MVB12B: variants seen among roughly 807,000 people sequenced by gnomAD.
MVB12B encodes the protein multivesicular body subunit 12B, also known as ESCRT-I complex subunit MVB12B.
A neutral mutation model predicts 41.6 loss-of-function variants in MVB12B; 16 were observed. That is an observed-to-expected ratio of 0.38 (90% CI 0.26 to 0.58). MVB12B has a LOEUF of 0.58. MVB12B is among the 20% of genes least tolerant of loss of function. MVB12B has a pLI of 0.62. For synonymous variants in MVB12B, 133 were observed against 139.7 expected (o/e 0.95, Z 0.34); for missense variants, 274 against 380.2 (o/e 0.72, Z 2.32).
At chr9:126,394,661 A>G (rs2119004982) in intron 5 of MVB12B, among the ~76,000 whole-genome samples, 1 of 152,332 alleles carries the variant, frequency 6.6e-6, no homozygotes, top group Middle Eastern at 3.4e-3. Flanking sequence ...GCTGGAGGCC[A>G]CGGCCCAGAG....
intron 2 of MVB12B, among the ~76,000 whole-genome samples, chr9:126,342,413 G>A (rs1189536324): frequency 6.6e-6 from 1 of 152,212 alleles, no homozygotes; most frequent in African/African-American, 2.4e-5. Context: ...TTTTCTGGAA[G>A]TCTTGGTAAG....
rs372735750 is a variant in MVB12B at position 126,420,695 on chromosome 9, C to T, written c.663-1159C>T. Reference sequence around the variant, plus strand: ...GCCTCCCAGGTTCAAGCAATTCTCCCGCCTCAGCTTCCCAAGTAGCTGGGA... The same window carrying T: ...GCCTCCCAGGTTCAAGCAATTCTCCTGCCTCAGCTTCCCAAGTAGCTGGGA... On this transcript the variant is annotated intron_variant, in intron 6 of 9. Transcript: ENST00000361171. Among the ~76,000 whole-genome samples the T allele has an allele frequency of 7.3e-5, 11 of 151,436 alleles. No individual in the cohort carries two copies. In the East Asian group the frequency reaches 2.1e-3, roughly 30 times the overall value.
At chr9:126,447,718 T>C (rs1832808209) in intron 7 of MVB12B, among the ~76,000 whole-genome samples, 1 of 152,234 alleles carries the variant, frequency 6.6e-6, no homozygotes, top group Admixed American at 6.5e-5. Context: ...TGGGTATGTA[T>C]ACCCCCATAT....
At position 126,506,032 on chromosome 9, in the gene MVB12B, G is replaced by C. The variant is rs1834063624; in HGVS notation, c.*2769G>C. On this transcript the variant is annotated 3_prime_UTR_variant, in exon 10 of 10. Coordinates refer to ENST00000361171, the MANE Select transcript of MVB12B (RefSeq NM_033446.3). ...AAGTTGAAGTATCTCCAAAGGCCTT[G>C]GAAATGGCACAAAGGTGATAAGGAG... 6.6e-6 allele frequency: 1 copy of C among 152,230 alleles called. No homozygotes were observed. The highest frequency in any genetic ancestry group is 2.4e-5 in the African/African-American group (1 of 41,434). The allele number at this position is 152,230 out of a possible 1,614,324, so 9.4% of individuals were successfully genotyped here.
intron 7 of MVB12B, among the ~76,000 whole-genome samples, chr9:126,476,237 T>A (rs867266956): frequency 2.0e-5 from 3 of 152,274 alleles, no homozygotes; most frequent in African/African-American, 7.2e-5. Context: ...CCGCTGAGCC[T>A]GCCTGAGGGC....
chr9:126,352,328 A>T (rs1829773997), intron 2 of MVB12B, among the ~76,000 whole-genome samples: 2 of 151,948 alleles, frequency 1.3e-5, no homozygotes, highest in Non-Finnish European at 2.9e-5. Flanking sequence ...AGATGTTTAG[A>T]TGTGGAAGTC....
At chr9:126,351,427 A>T (rs566098391) in intron 2 of MVB12B, among the ~76,000 whole-genome samples, 1 of 147,370 alleles carries the variant, frequency 6.8e-6, no homozygotes, top group South Asian at 2.2e-4. Context: ...CCTGTGAGAG[A>T]GTAGACCTTC....
At chr9:126,458,960 CTCTT>C (rs1248981440) in intron 7 of MVB12B, among the ~76,000 whole-genome samples, 3 of 152,184 alleles carry the variant, frequency 2.0e-5, no homozygotes, top group Non-Finnish European at 4.4e-5. Context: ...TGAATTTATT[CTCTT>C]TCTTTCTATT....
At chr9:126,359,535 G>A (rs1054924242) in intron 2 of MVB12B, among the ~76,000 whole-genome samples, 4 of 152,198 alleles carry the variant, frequency 2.6e-5, no homozygotes, top group African/African-American at 9.6e-5. Flanking sequence ...GGGCCTGGAT[G>A]TGGGAAGGTT....
intron 7 of MVB12B, among the ~76,000 whole-genome samples, chr9:126,461,759 G>A (rs549608306): frequency 2.6e-5 from 4 of 152,168 alleles, no homozygotes; most frequent in Non-Finnish European, 5.9e-5. Flanking sequence ...GCCTGGGCGT[G>A]GAGGTGGGCT....
At chr9:126,338,188 G>T (rs751836827) in intron 1 of MVB12B, among the ~76,000 whole-genome samples, 1 of 152,244 alleles carries the variant, frequency 6.6e-6, no homozygotes, top group Non-Finnish European at 1.5e-5. Context: ...GCAGCTGGGG[G>T]GAAGGAGGGA....
intron 9 of MVB12B, among the ~76,000 whole-genome samples, chr9:126,500,715 G>A (rs142317765): frequency 1.3e-5 from 2 of 152,338 alleles, no homozygotes; most frequent in Admixed American, 6.5e-5. Flanking sequence ...TAGGCCCTCA[G>A]CCCCGCTGTC....
chr9:126,391,992 G>A lies in MVB12B; in HGVS notation c.410-74G>A, dbSNP rs1830969538. On this transcript the variant is annotated intron_variant, in intron 4 of 9. Transcript: ENST00000361171. The surrounding 1 kb of genome is among the most constrained non-coding windows in gnomAD (Gnocchi z 4.4). ...TGCTGCCAGGAATAGGGCGTGACAG[G>A]GGATGTGGTTTTCAGAATAGAGATT... 6.4e-7 allele frequency: 1 copy of A among 1,553,624 alleles called. No individual in the cohort carries two copies.
At chr9:126,377,752 G>A (rs759471674) in intron 2 of MVB12B, among the ~76,000 whole-genome samples, 8 of 152,156 alleles carry the variant, frequency 5.3e-5, no homozygotes, top group Admixed American at 1.3e-4. Context: ...CCTCGTACAA[G>A]TATATCATTT....
In MVB12B at chr9:126,486,905, G is replaced by C. The variant is rs551358261; in HGVS notation, c.873+2873G>C. ...AGTTCCTTAACCTGGGTGGGCCTTC[G>C]AGTTGCTGGGGTGGGGTGAAGTGGG... On this transcript the variant is annotated intron_variant, in intron 9 of 9. Coordinates refer to ENST00000361171, the MANE Select transcript of MVB12B (RefSeq NM_033446.3). The surrounding 1 kb of genome is among the most constrained non-coding windows in gnomAD (Gnocchi z 4.7). Among the ~76,000 whole-genome samples, 1 of 152,146 alleles carries C rather than the reference G, an allele frequency of 6.6e-6. No homozygotes were observed. Among genetic ancestry groups the C allele is most frequent in the Non-Finnish European group, 1.5e-5 (1 of 68,030 alleles).
At chr9:126,453,686 T>C (rs562273596) in intron 7 of MVB12B, among the ~76,000 whole-genome samples, 63 of 152,352 alleles carry the variant, frequency 4.1e-4, no homozygotes, top group African/African-American at 1.5e-3. Context: ...TCACATGCGT[T>C]ACGTGGCACA....
chr9:126,472,227 T>C (rs944895841), intron 7 of MVB12B, among the ~76,000 whole-genome samples: 10 of 151,754 alleles, frequency 6.6e-5, no homozygotes, highest in African/African-American at 2.4e-4. Flanking sequence ...GGTGTGTGTT[T>C]GGAGGGGAGA....
intron 9 of MVB12B, among the ~76,000 whole-genome samples, chr9:126,492,020 T>C (rs1833741356): frequency 6.6e-6 from 1 of 151,800 alleles, no homozygotes; most frequent in Non-Finnish European, 1.5e-5. Context: ...ATATTTAGTG[T>C]TTCCTGAGTA....
In MVB12B at chr9:126,478,442, G is replaced by A. The variant is rs1207693156; in HGVS notation, c.758-2927G>A. On this transcript the variant is annotated intron_variant, in intron 7 of 9. Transcript: ENST00000361171. This position sits in a 1 kb window ranked among gnomAD's most constrained non-coding sequence, Gnocchi z 4.2. ...GGCTGGGGACCTGGAATGCAGAGGT[G>A]ACTCGCACATGCACCTACAATAAGA... 2.0e-5 allele frequency among the ~76,000 whole-genome samples: 3 copies of A among 152,186 alleles called. No homozygotes were observed. Among genetic ancestry groups the A allele is most frequent in the Non-Finnish European group, 4.4e-5 (3 of 68,038 alleles).
Sources: gnomAD v4.1 joint callset for allele counts (sites outside exome capture counted in the v4.1 genomes callset) on GRCh38, gnomAD v4.1.1 for gene constraint, Gnocchi (gnomAD v3.1) non-coding constraint, MANE v1.5 for transcripts, NCBI Gene and HGNC (gene_info 2026-07-23, HGNC 2026-07-21) for gene names.